Variants in HERC5 observed in about 807,000 individuals in gnomAD.
HERC5 encodes HECT and RLD domain containing E3 ubiquitin protein ligase 5.
Under a neutral mutation model 119.6 loss-of-function variants are expected in HERC5, and 99 were observed. The observed-to-expected ratio is 0.83, with a 90% CI of 0.70 to 0.98. The LOEUF (loss-of-function observed/expected upper bound fraction) is 0.98. HERC5 is among the 50% of genes least tolerant of loss of function. HERC5 has a pLI of 0.00. For missense variants in HERC5, 1,267 were observed against 1,241.3 expected (o/e 1.02, Z -0.31); for synonymous variants, 478 against 445.9 (o/e 1.07, Z -0.91).
At chr4:88,485,754 G>A (rs907333381) in intron 13 of HERC5, among the ~76,000 whole-genome samples, 1 of 152,038 alleles carries the variant, frequency 6.6e-6, no homozygotes, top group Non-Finnish European at 1.5e-5. Flanking sequence ...CAGAGTGAAT[G>A]TCTATAAGTG....
chr4:88,460,128 T>C lies in HERC5; in HGVS notation c.423T>C (p.Ile141=). 6.3e-7 allele frequency: 1 copy of C among 1,588,738 alleles called. No homozygotes were observed. The highest frequency in any genetic ancestry group is 8.6e-7 in the Non-Finnish European group (1 of 1,159,592). Residue 141 remains isoleucine, a synonymous_variant, in exon 3 of 23, where the codon ATT becomes ATC. Transcript: ENST00000264350. ...FESILQEKKI[I]QITCGDYHSL... ...GCATTTTACAAGAAAAAAAAATAAT[T>C]CAGATCACATGTGGAGATTACCATT...
chr4:88,494,101 T>C, intron 17 of HERC5, 64 bp from the exon 18 acceptor site: 1 of 961,192 alleles, frequency 1.0e-6, no homozygotes, highest in Non-Finnish European at 1.5e-6. Context: ...ATTTATTTAA[T>C]ATAAATATTT....
At position 88,493,157 on chromosome 4, in the gene HERC5, T is replaced by A. The variant is rs1368883191; in HGVS notation, c.2277+2T>A. On this transcript the variant is annotated splice_donor_variant, in intron 17 of 22. Transcript: ENST00000264350. LOFTEE classifies it high-confidence loss of function. ...TCCTGCATGTGGTTTCCTGTCAAGG[T>A]AAGTTCCCTCTTCTTTGCTTAAGGT... 25 of 1,613,494 alleles carry A rather than the reference T, an allele frequency of 1.5e-5. No individual in the cohort carries two copies. Among genetic ancestry groups the A allele is most frequent in the Non-Finnish European group, 2.0e-5 (24 of 1,179,772 alleles).
Position 88,469,198 on chromosome 4 carries a change from T to A in HERC5, c.1176T>A (p.Asn392Lys), listed in dbSNP as rs775758969. ...TGAAGAGGACAATTCCTACTCTGAA[T>A]GAAGGGACTGTAAAGAGATGGATTG... Reference protein sequence around the residue: ...VNLKRTIPTLNEGTVKRWIAD... With the variant: ...VNLKRTIPTLKEGTVKRWIAD... The change falls in exon 9 of 23, where the codon AAT becomes AAA. Residue 392 changes from asparagine to lysine, a missense_variant. Physicochemically the swap from Asn to Lys is moderately conservative, Grantham distance 94. Coordinates refer to ENST00000264350, the MANE Select transcript of HERC5 (RefSeq NM_016323.4). The A allele has an allele frequency of 6.2e-7, 1 of 1,613,318 alleles. No individual in the cohort carries two copies. Among genetic ancestry groups the A allele is most frequent in the Non-Finnish European group, 8.5e-7 (1 of 1,179,320 alleles).
intron 16 of HERC5, among the ~76,000 whole-genome samples, chr4:88,492,203 C>G (rs1271651446): frequency 1.2e-4 from 18 of 151,590 alleles, no homozygotes; most frequent in Non-Finnish European, 2.7e-4. Context: ...GGGGTTTCAC[C>G]ATGTTGGCCA....
intron 10 of HERC5, 129 bp from the exon 11 acceptor site, chr4:88,472,280 T>C: frequency 1.6e-6 from 1 of 640,184 alleles, no homozygotes; most frequent in Non-Finnish European, 2.8e-6. Flanking sequence ...GCATTTGGAT[T>C]TAGACAATTT....
intron 13 of HERC5, among the ~76,000 whole-genome samples, chr4:88,480,463 T>C (rs1741243894): frequency 6.6e-6 from 1 of 151,638 alleles, no homozygotes; most frequent in Non-Finnish European, 1.5e-5. Flanking sequence ...TTTTGTCTTG[T>C]TGGGAGTTCC....
At chr4:88,457,635 G>C in intron 1 of HERC5, 101 bp downstream of exon 1, 1 of 1,151,782 alleles carries the variant, frequency 8.7e-7, no homozygotes, top group Non-Finnish European at 1.1e-6. Flanking sequence ...AGGGAGGAGA[G>C]CCCAGAAGGC....
chr4:88,471,749 A>G lies in HERC5; in HGVS notation c.1299-660A>G, dbSNP rs554498697. On this transcript the variant is annotated intron_variant, in intron 10 of 22. Transcript: ENST00000264350. The stretch of plus-strand genomic sequence containing the variant: ...TTGAAGTACTAAGAAATTATTGGTC[A>G]GAAGCCCTCTCTTTTGGTTCCCACT... Among the ~76,000 whole-genome samples, 218 of 152,336 alleles carry G rather than the reference A, an allele frequency of 1.4e-3. 6 individuals carry two copies. The South Asian group carries it at 0.021, about 15-fold the overall frequency.
intron 4 of HERC5, 59 bp from the exon 5 acceptor site, chr4:88,463,473 T>A: frequency 1.8e-6 from 2 of 1,128,096 alleles, no homozygotes; most frequent in Non-Finnish European, 2.7e-6. Context: ...TCCAGGTAAC[T>A]CCACTGTGAA....
In HERC5 at chr4:88,504,577, A is replaced by G; in HGVS notation, c.2849A>G (p.Glu950Gly). 6.4e-7 allele frequency: 1 copy of G among 1,562,742 alleles called. No homozygotes were observed. The highest frequency in any genetic ancestry group is 2.1e-5 in the Admixed American group (1 of 47,938). ...FWKAFHKLTL[E>G]EKKKFLVFLT... ...AAGGCTTTCCACAAATTGACTCTGGAAGAAAAGAAAAAATTCCTTGGTAAG... is the reference window on the plus strand; with the variant it reads ...AAGGCTTTCCACAAATTGACTCTGGGAGAAAAGAAAAAATTCCTTGGTAAG... Residue 950 changes from glutamate (E) to glycine (G), a missense_variant, in exon 22 of 23, where the codon GAA becomes GGA. Around this residue, in one of 3 missense-constraint regions of HERC5, gnomAD observed 473 missense variants for 445.7 expected, o/e 1.06. Transcript: ENST00000264350.
In HERC5 at chr4:88,457,345, G is replaced by A; in HGVS notation, c.76G>A (p.Ala26Thr). Reference protein sequence around the residue: ...TAGKAAATQPAKSPGAQLWLF... With the variant: ...TAGKAAATQPTKSPGAQLWLF... ...GGGCAAGGCCGCCGCGACCCAGCCC[G>A]CGAAGTCTCCGGGCGCACAGCTCTG... Residue 26 changes from alanine to threonine, a missense_variant, in exon 1 of 23, where the codon GCG becomes ACG. Physicochemically the swap from Ala to Thr is moderately conservative, Grantham distance 58. Around this residue, in one of 3 missense-constraint regions of HERC5, gnomAD observed 777 missense variants for 758.0 expected, o/e 1.03. Coordinates refer to ENST00000264350, the MANE Select transcript of HERC5 (RefSeq NM_016323.4). 3.5e-6 allele frequency: 5 copies of A among 1,417,150 alleles called. No individual in the cohort carries two copies. Among genetic ancestry groups the A allele is most frequent in the Non-Finnish European group, 3.7e-6 (4 of 1,087,538 alleles). The allele number at this position is 1,417,150 out of a possible 1,614,324, so 87.8% of individuals were successfully genotyped here. A position where few individuals can be genotyped will look rare whatever the true frequency, so the allele number is the denominator to read the frequency against.
chr4:88,496,302 T>C (rs1371310752), intron 18 of HERC5, among the ~76,000 whole-genome samples: 3 of 152,168 alleles, frequency 2.0e-5, no homozygotes, highest in African/African-American at 4.8e-5. Flanking sequence ...CACAACCTGG[T>C]TCTAAAATTT....
Position 88,493,051 on chromosome 4 carries a change from G to C in HERC5, c.2173G>C (p.Val725Leu). The C allele has an allele frequency of 6.2e-7, 1 of 1,613,974 alleles. No individual in the cohort carries two copies. Among genetic ancestry groups the C allele is most frequent in the South Asian group, 1.1e-5 (1 of 91,056 alleles). ...SGEIGYDLGG[V>L]KKEFFYCLFA... is the part of the protein sequence containing the mutation. ...AGAAATTGGGTATGACCTCGGAGGA[G>C]TCAAGAAAGAGTTCTTCTACTGTCT... The change falls in exon 17 of 23, where the codon GTC (valine) becomes CTC (leucine). Residue 725 changes from valine to leucine, a missense_variant. By Grantham distance (32) the Val-to-Leu change is conservative. Coordinates refer to ENST00000264350, the MANE Select transcript of HERC5 (RefSeq NM_016323.4).
chr4:88,462,508 AGAG>A (rs1387549118), intron 4 of HERC5, 152 bp downstream of exon 4: 1 of 669,252 alleles, frequency 1.5e-6, no homozygotes, highest in East Asian at 2.7e-5. Flanking sequence ...AATCAGTCCA[AGAG>A]GCATACATAG....
At chr4:88,469,452 G>GGA (rs1365928345) in intron 9 of HERC5, among the ~76,000 whole-genome samples, 192 bp downstream of exon 9, 1 of 152,068 alleles carries the variant, frequency 6.6e-6, no homozygotes, top group Admixed American at 6.6e-5. Flanking sequence ...TCTATGGAGG[G>GGA]GAGAGAGAGA....
Position 88,475,901 on chromosome 4 carries a change from G to A in HERC5, c.1453G>A (p.Glu485Lys). Residue 485 changes from glutamate (E) to lysine (K), a missense_variant, in exon 12 of 23, where the codon GAA becomes AAA. Around this residue, in one of 3 missense-constraint regions of HERC5, gnomAD observed 777 missense variants for 758.0 expected, o/e 1.03. Transcript: ENST00000264350. ...KRLPFHSPPQ[E>K]ALEIFFLLPE... ...ACTTCCATTTCATTCTCCACCCCAAGAAGCTTTAGAAATTTTCTTCCTTCT... is the reference window on the plus strand; with the variant it reads ...ACTTCCATTTCATTCTCCACCCCAAAAAGCTTTAGAAATTTTCTTCCTTCT... The A allele has an allele frequency of 6.2e-7, 1 of 1,613,966 alleles. No homozygotes were observed. Among genetic ancestry groups the A allele is most frequent in the Non-Finnish European group, 8.5e-7 (1 of 1,179,974 alleles).
chr4:88,472,285 CAATT>C (rs1740901574), intron 10 of HERC5, 120 bp from the exon 11 acceptor site: 2 of 645,622 alleles, frequency 3.1e-6, no homozygotes, highest in Admixed American at 2.8e-5. Context: ...TGGATTTAGA[CAATT>C]TATTATAGTT....
chr4:88,500,885 G>C (rs747991317), intron 19 of HERC5, 30 bp from the exon 20 acceptor site: 13 of 1,510,866 alleles, frequency 8.6e-6, no homozygotes, highest in Middle Eastern at 1.7e-4. Context: ...TTATGTTGGA[G>C]ATATTATCTG....
Sources: allele counts gnomAD v4.1 joint callset (sites outside exome capture counted in the v4.1 genomes callset), GRCh38; gene constraint gnomAD v4.1.1; regional missense constraint gnomAD v4.1.1; transcripts MANE v1.5; gene names NCBI Gene and HGNC (gene_info 2026-07-23, HGNC 2026-07-21).